UNC5CL: variants seen among roughly 807,000 people sequenced by gnomAD.
UNC5CL encodes unc-5 family C-terminal like, also known as UNC5C-like protein.
A neutral mutation model predicts 54.1 loss-of-function variants in UNC5CL; 42 were observed. The ratio of observed to expected loss-of-function variants is 0.78; its 90% CI spans 0.61 to 1.00. The LOEUF (loss-of-function observed/expected upper bound fraction) is 1.00. Among genes scored for constraint, UNC5CL ranks in the 50% least tolerant of loss-of-function variants. UNC5CL has a pLI of 0.00. For synonymous variants in UNC5CL, 285 were observed against 285.1 expected (o/e 1.00, Z 0.00); for missense variants, 619 against 675.6 (o/e 0.92, Z 0.93).
At chr6:41,036,357 T>C (rs555444759) in intron 1 of UNC5CL, among the ~76,000 whole-genome samples, 10 of 152,330 alleles carry the variant, frequency 6.6e-5, no homozygotes, top group African/African-American at 2.2e-4. Flanking sequence ...TAGCCACGTG[T>C]ACTAATGAAT....
chr6:41,028,347 C>T lies in UNC5CL; in HGVS notation c.*26G>A. On this transcript the variant is annotated 3_prime_UTR_variant, in exon 9 of 9. Transcript: ENST00000244565. The surrounding 1 kb of genome is among the most constrained non-coding windows in gnomAD (Gnocchi z 4.3). ...AGAACAACCCCTCTCGCCCCTACACCTCCTCCGGCCCTGCCCGCTGGGCGC... is the reference window on the plus strand; with the variant it reads ...AGAACAACCCCTCTCGCCCCTACACTTCCTCCGGCCCTGCCCGCTGGGCGC... 1 of 1,540,958 alleles carries T rather than the reference C, an allele frequency of 6.5e-7. No homozygotes were observed. Among genetic ancestry groups the T allele is most frequent in the Non-Finnish European group, 8.7e-7 (1 of 1,145,612 alleles).
At position 41,032,865 on chromosome 6, in the gene UNC5CL, A is replaced by G; in HGVS notation, c.949+19T>C. ...GGGGCTCCCGATCATCCTATCCCAC[A>G]GGCCACTGCCTCCCTCACCCTCTGA... On this transcript the variant is annotated intron_variant, in intron 4 of 8. Transcript: ENST00000244565. 1 of 1,576,874 alleles carries G rather than the reference A, an allele frequency of 6.3e-7. No homozygotes were observed.
At position 41,034,997 on chromosome 6, in the gene UNC5CL, A is replaced by G. The variant is rs750754440; in HGVS notation, c.78T>C (p.Leu26=). The G allele has an allele frequency of 3.1e-6, 5 of 1,605,658 alleles. No homozygotes were observed. The South Asian group carries it at 5.5e-5, about 18-fold the overall frequency. ...AGTGCCATCGAAGGCATTGGGCCAG[A>G]AGGAGGACACTTGCCACTGGGACCC... ...LVGVPVASVL[L]LAQCLRWHCP... The change falls in exon 2 of 9, where the codon CTT becomes CTC. Residue 26 remains leucine, a synonymous_variant. Transcript: ENST00000244565.
In UNC5CL at chr6:41,030,757, T is replaced by C; in HGVS notation, c.1120-2A>G. ...TTCCATATACTTGGTCTCCAAGCCC[T>C]GAGTCAACACAGGGCAGGGAACACA... On this transcript the variant is annotated splice_acceptor_variant, in intron 6 of 8. Coordinates refer to ENST00000244565, the MANE Select transcript of UNC5CL (RefSeq NM_173561.3). LOFTEE classifies it high-confidence loss of function. The C allele has an allele frequency of 6.2e-7, 1 of 1,613,894 alleles. No individual in the cohort carries two copies. The highest frequency in any genetic ancestry group is 8.5e-7 in the Non-Finnish European group (1 of 1,179,912).
intron 7 of UNC5CL, 34 bp downstream of exon 7, chr6:41,030,621 C>T (rs1290524174): frequency 1.2e-6 from 2 of 1,613,000 alleles, no homozygotes; most frequent in South Asian, 1.1e-5. Flanking sequence ...ACCCAACATC[C>T]CCCAGGCAGC....
At chr6:41,031,101 C>T (rs559499812) in intron 6 of UNC5CL, among the ~76,000 whole-genome samples, 105 of 152,296 alleles carry the variant, frequency 6.9e-4, no homozygotes, top group Non-Finnish European at 1.0e-3. Flanking sequence ...TGTGTACCTT[C>T]CTCCATTCCA....
In UNC5CL at chr6:41,034,863, G is replaced by T. The variant is rs371675225; in HGVS notation, c.212C>A (p.Ala71Asp). ...ENEVSRQHLP[A>D]TLPEMVAFYQ... ...GAAGGCAACCATCTCTGGCAGTGTG[G>T]CTGGCAGGTGCTGCCTTGAGACCTC... Residue 71 changes from alanine (A) to aspartate (D), a missense_variant, in exon 2 of 9, where the codon GCC becomes GAC. Coordinates refer to ENST00000244565, the MANE Select transcript of UNC5CL (RefSeq NM_173561.3). 9 of 1,614,122 alleles carry T rather than the reference G, an allele frequency of 5.6e-6. No individual in the cohort carries two copies. The African/African-American group carries it at 9.3e-5, about 17-fold the overall frequency.
rs1385809294 is a variant in UNC5CL at position 41,027,290 on chromosome 6, G to A, written c.*1083C>T. Reference sequence around the variant, plus strand: ...ATTGGTTTAGAGACATATGCCTGAAGGGAAAAGAGGGAGGGTTTCAGGCAG... The same window carrying A: ...ATTGGTTTAGAGACATATGCCTGAAAGGAAAAGAGGGAGGGTTTCAGGCAG... On this transcript the variant is annotated 3_prime_UTR_variant, in exon 9 of 9. Transcript: ENST00000244565. The A allele has an allele frequency of 6.6e-6, 1 of 152,204 alleles. No homozygotes were observed. Among genetic ancestry groups the A allele is most frequent in the Non-Finnish European group, 1.5e-5 (1 of 68,054 alleles). 9.4% of individuals were successfully genotyped at this position (152,204 alleles called of 1,614,324 possible). A position where few individuals can be genotyped will look rare whatever the true frequency, so the allele number is the denominator to read the frequency against.
chr6:41,027,736 T>G lies in UNC5CL; in HGVS notation c.*637A>C, dbSNP rs1762404162. The G allele has an allele frequency of 6.6e-6, 1 of 152,184 alleles. No homozygotes were observed. The highest frequency in any genetic ancestry group is 2.4e-5 in the African/African-American group (1 of 41,404). The allele number at this position is 152,184 out of a possible 1,614,324, so 9.4% of individuals were successfully genotyped here. A position where few individuals can be genotyped will look rare whatever the true frequency, so the allele number is the denominator to read the frequency against. On this transcript the variant is annotated 3_prime_UTR_variant, in exon 9 of 9. Transcript: ENST00000244565. ...GCTCCTACCTTAAGTCCAGCCACCC[T>G]CTTCCCCTACCCGCCCCTAAAGATC...
rs1762472079 is a variant in UNC5CL, at chr6:41,032,907, A to G, written c.926T>C (p.Leu309Pro). The G allele has an allele frequency of 3.1e-6, 5 of 1,604,816 alleles. No homozygotes were observed. The East Asian group carries it at 1.1e-4, about 36-fold the overall frequency. The change falls in exon 4 of 9, where the codon CTG (leucine) becomes CCG (proline). Residue 309 changes from leucine to proline, a missense_variant. Transcript: ENST00000244565. The part of the protein sequence containing the change: ...DFNGARGDQC[L>P]KLTYISEGWE... ...ACCCTCTGAGATGTACGTGAGCTTCAGGCACTGGTCGCCCCTAGCCCCATT... is the reference window on the plus strand; with the variant it reads ...ACCCTCTGAGATGTACGTGAGCTTCGGGCACTGGTCGCCCCTAGCCCCATT...
rs1351716588 is a variant in UNC5CL, at chr6:41,031,761, G to A, written c.1052-13C>T. ...TCATTCTCATCGGCTATAAAGAGAA[G>A]GTGACAGCGTGGCCAGTGAGTGAGG... On this transcript the variant is annotated splice_polypyrimidine_tract_variant and intron_variant, in intron 5 of 8. Transcript: ENST00000244565. 2.5e-6 allele frequency: 4 copies of A among 1,614,116 alleles called. No homozygotes were observed. Among genetic ancestry groups the A allele is most frequent in the Non-Finnish European group, 3.4e-6 (4 of 1,179,960 alleles).
rs1405780859 is a variant in UNC5CL, at chr6:41,032,156, G to C, written c.950-19C>G. On this transcript the variant is annotated intron_variant, in intron 4 of 8. Coordinates refer to ENST00000244565, the MANE Select transcript of UNC5CL (RefSeq NM_173561.3). ...TCCCAACCTGGTGAGTAGGCAGACAGCAGAGGGCCTCAGAGAGTGGGGCCT... is the reference window on the plus strand; with the variant it reads ...TCCCAACCTGGTGAGTAGGCAGACACCAGAGGGCCTCAGAGAGTGGGGCCT... 34 of 1,607,344 alleles carry C rather than the reference G, an allele frequency of 2.1e-5. No individual in the cohort carries two copies. The highest frequency in any genetic ancestry group is 2.9e-5 in the Non-Finnish European group (34 of 1,174,008).
intron 1 of UNC5CL, among the ~76,000 whole-genome samples, chr6:41,036,225 T>C (rs905051933): frequency 2.6e-5 from 4 of 152,260 alleles, no homozygotes; most frequent in African/African-American, 9.6e-5. Context: ...TTTCAACAGG[T>C]AATCGATATA....
rs756565840 is a variant in UNC5CL, at chr6:41,035,004, A to T, written c.71T>A (p.Val24Asp). 1 of 1,603,380 alleles carries T rather than the reference A, an allele frequency of 6.2e-7. No homozygotes were observed. Among genetic ancestry groups the T allele is most frequent in the Non-Finnish European group, 8.5e-7 (1 of 1,171,510 alleles). Residue 24 changes from valine to aspartate, a missense_variant, in exon 2 of 9, where the codon GTC becomes GAC. Val to Asp is a radical substitution (Grantham distance 152). Coordinates refer to ENST00000244565, the MANE Select transcript of UNC5CL (RefSeq NM_173561.3). ...LLLVGVPVASVLLLAQCLRWH... is the reference protein window; with the variant it reads ...LLLVGVPVASDLLLAQCLRWH... ...TCGAAGGCATTGGGCCAGAAGGAGGACACTTGCCACTGGGACCCCCACCAG... is the reference window on the plus strand; with the variant it reads ...TCGAAGGCATTGGGCCAGAAGGAGGTCACTTGCCACTGGGACCCCCACCAG...
chr6:41,034,267 G>A (rs1042323463), intron 2 of UNC5CL, 86 bp from the exon 3 acceptor site: 2 of 1,468,462 alleles, frequency 1.4e-6, no homozygotes, highest in Non-Finnish European at 1.8e-6. Context: ...GAGAAAGGAG[G>A]TGGGGCAGGA....
At chr6:41,033,388 GT>G (rs1435334528) in intron 3 of UNC5CL, among the ~76,000 whole-genome samples, 1 of 152,188 alleles carries the variant, frequency 6.6e-6, no homozygotes, top group Non-Finnish European at 1.5e-5. Context: ...TGGGCTCAGG[GT>G]GACCATGCTT....
At chr6:41,035,944 T>C (rs1007721940) in intron 1 of UNC5CL, among the ~76,000 whole-genome samples, 26 of 152,190 alleles carry the variant, frequency 1.7e-4, no homozygotes, top group Admixed American at 1.2e-3. Context: ...CAAGTGCTGA[T>C]ACAAAAAAAT....
chr6:41,028,445 G>A lies in UNC5CL; in HGVS notation c.1485C>T (p.His495=). 6.2e-7 allele frequency: 1 copy of A among 1,613,524 alleles called. No homozygotes were observed. The highest frequency in any genetic ancestry group is 1.1e-5 in the South Asian group (1 of 91,040). Residue 495 remains histidine (H), a synonymous_variant, in exon 9 of 9, where the codon CAC becomes CAT. Transcript: ENST00000244565. The surrounding 1 kb of genome is among the most constrained non-coding windows in gnomAD (Gnocchi z 4.3). ...CGCGCTCGGGGCCTGGGCTGCCGCC[G>A]TGTGTCCCACTCAGGTAGTTCTGGA... ...SAIQNYLSGT[H]GGSPGPERGG...
Position 41,030,669 on chromosome 6 carries a change from C to T in UNC5CL, c.1206G>A (p.Pro402=), listed in dbSNP as rs138860275. The T allele has an allele frequency of 1.5e-5, 25 of 1,613,956 alleles. No individual in the cohort carries two copies. The East Asian group carries it at 2.7e-4, about 17-fold the overall frequency. Reference sequence around the variant, plus strand: ...CCCCGTCTCACCTATTGCATGGGGGCGGCTGGGAAACAGGTGGTGGCGCTG... The same window carrying T: ...CCCCGTCTCACCTATTGCATGGGGGTGGCTGGGAAACAGGTGGTGGCGCTG... ...SWAAPPPVSQ[P]PPCNRLPPEL... is the part of the protein sequence containing the mutation. The change falls in exon 7 of 9, where the codon CCG becomes CCA. Residue 402 remains proline (P), a synonymous_variant. Coordinates refer to ENST00000244565, the MANE Select transcript of UNC5CL (RefSeq NM_173561.3).
Sources: allele counts gnomAD v4.1 joint callset (sites outside exome capture counted in the v4.1 genomes callset), GRCh38; gene constraint gnomAD v4.1.1; non-coding constraint Gnocchi (gnomAD v3.1); transcripts MANE v1.5; gene names NCBI Gene and HGNC (gene_info 2026-07-23, HGNC 2026-07-21).